WDR49: variants seen among roughly 807,000 people sequenced by gnomAD.
WDR49 encodes WD repeat domain 49, also known as cilia- and flagella-associated protein 337.
Under a neutral mutation model 119.5 loss-of-function variants are expected in WDR49, and 107 were observed. The observed-to-expected ratio is 0.90, with a 90% CI of 0.77 to 1.05. WDR49 has a LOEUF of 1.05. Among genes scored for constraint, WDR49 ranks in the 50% least tolerant of loss-of-function variants. The pLI is 0.00. For synonymous variants in WDR49, 425 were observed against 418.8 expected (o/e 1.01, Z -0.18); for missense variants, 1,240 against 1,220.5 (o/e 1.02, Z -0.24).
chr3:167,625,733 C>A (rs1717101594), intron 3 of WDR49, among the ~76,000 whole-genome samples: 1 of 152,038 alleles, frequency 6.6e-6, no homozygotes, highest in East Asian at 1.9e-4. Context: ...CTATTCTAAA[C>A]AAACTAACCA....
At chr3:167,564,665 A>G (rs773093471) in intron 8 of WDR49, among the ~76,000 whole-genome samples, 3 of 152,222 alleles carry the variant, frequency 2.0e-5, no homozygotes, top group Non-Finnish European at 4.4e-5. Flanking sequence ...TCCAGGACAC[A>G]TGGGCCTCCT....
At position 167,500,307 on chromosome 3, in the gene WDR49, A is replaced by T; in HGVS notation, c.2885-8T>A. ...TTAATGACCTAAATGTACCTTCACA[A>T]CAGCAGGTTTTAGAGGAAGACAGGG... On this transcript the variant is annotated splice_region_variant and splice_polypyrimidine_tract_variant and intron_variant, in intron 17 of 18. Transcript: ENST00000682715. 6.2e-7 allele frequency: 1 copy of T among 1,605,926 alleles called. No homozygotes were observed. Among genetic ancestry groups the T allele is most frequent in the Non-Finnish European group, 8.5e-7 (1 of 1,177,512 alleles).
chr3:167,564,574 A>G (rs984782708), intron 8 of WDR49, among the ~76,000 whole-genome samples: 1 of 152,212 alleles, frequency 6.6e-6, no homozygotes, highest in Admixed American at 6.5e-5. Flanking sequence ...ATTTCTGATT[A>G]TCTCTTATCA....
rs1332287751 is a variant in WDR49, at chr3:167,616,858, G to A, written c.958+3571C>T. The stretch of plus-strand genomic sequence containing the variant: ...AATCTTATAAAACATTGTATTATGT[G>A]TTATACTGGATACTAAGGTGAATGA... On this transcript the variant is annotated intron_variant, in intron 5 of 18. Transcript: ENST00000682715. 2.0e-5 allele frequency among the ~76,000 whole-genome samples: 3 copies of A among 152,246 alleles called. No homozygotes were observed. In the East Asian group the frequency reaches 5.8e-4, roughly 29 times the overall value.
At chr3:167,575,277 C>T (rs980866500) in intron 8 of WDR49, 207 of 985,854 alleles carry the variant, frequency 2.1e-4, no homozygotes, top group Middle Eastern at 5.2e-4. Context: ...CCGCCCTGTC[C>T]TCCAAGAAGG....
chr3:167,510,559 C>T (rs536600321), intron 16 of WDR49, among the ~76,000 whole-genome samples: 1 of 152,190 alleles, frequency 6.6e-6, no homozygotes, highest in African/African-American at 2.4e-5. Context: ...CTATTAATCT[C>T]TTAAATTCTA....
intron 16 of WDR49, among the ~76,000 whole-genome samples, chr3:167,517,009 A>G (rs1160412848): frequency 2.0e-5 from 3 of 152,204 alleles, no homozygotes; most frequent in South Asian, 2.1e-4. Flanking sequence ...AATCAAAACC[A>G]TAATGAGATA....
chr3:167,643,820 A>T (rs1323249172), intron 2 of WDR49, among the ~76,000 whole-genome samples: 2 of 152,074 alleles, frequency 1.3e-5, no homozygotes, highest in African/African-American at 4.8e-5. Flanking sequence ...AGGAAGAGAT[A>T]TTCATCTATT....
Position 167,531,236 on chromosome 3 carries a change from G to C in WDR49, c.2097C>G (p.Pro699=). 6.2e-7 allele frequency: 1 copy of C among 1,611,506 alleles called. No homozygotes were observed. Among genetic ancestry groups the C allele is most frequent in the Admixed American group, 1.7e-5 (1 of 59,942 alleles). The change falls in exon 13 of 19, where the codon CCC becomes CCG. Residue 699 remains proline, a synonymous_variant. Transcript: ENST00000682715. The part of the protein sequence containing the change: ...QKLLSAGRSQ[P]SHPMADHSTT... ...TAGAATGGTCTGCCATGGGGTGGGA[G>C]GGTTGGCTTCTCCCAGCACTGAGAA...
chr3:167,603,995 A>C (rs1326189656), intron 6 of WDR49, among the ~76,000 whole-genome samples: 9 of 152,122 alleles, frequency 5.9e-5, no homozygotes, highest in Non-Finnish European at 4.4e-5. Context: ...GGAAGATGGC[A>C]GAATGGCAGA....
At position 167,495,883 on chromosome 3, in the gene WDR49, G is replaced by GAAA; in HGVS notation, c.3031+4267_3031+4269dup. The stretch of plus-strand genomic sequence containing the variant: ...GGAAATAAGTTAACTTTAAAAATTT[G>GAAA]AAAAAAAAAAAAAAAAAAAAAAAGC... On this transcript the variant is annotated intron_variant, in intron 18 of 18. Transcript: ENST00000682715. Among the ~76,000 whole-genome samples, 312 of 71,148 alleles carry GAAA rather than the reference G, an allele frequency of 4.4e-3. 1 individual carries two copies. The highest frequency in any genetic ancestry group is 0.013 in the African/African-American group (279 of 21,222). The allele number at this position is 71,148 out of a possible 152,430, so 46.7% of individuals were successfully genotyped here.
chr3:167,500,239 G>A lies in WDR49; in HGVS notation c.2945C>T (p.Ala982Val). 1 of 1,606,186 alleles carries A rather than the reference G, an allele frequency of 6.2e-7. No individual in the cohort carries two copies. The highest frequency in any genetic ancestry group is 1.7e-4 in the Middle Eastern group (1 of 6,040). Residue 982 changes from alanine (A) to valine (V), a missense_variant, in exon 18 of 19, where the codon GCT (alanine) becomes GTT (valine). By Grantham distance (64) the Ala-to-Val change is moderately conservative. Transcript: ENST00000682715. The part of the protein sequence containing the change: ...LEELPEVNKP[A>V]FLLDPEKYFR... ...GTATTTCTCAGGGTCTAGAAGGAAA[G>A]CAGGTTTATTCACTTCAGGCAGCTC...
At chr3:167,522,597 A>T in intron 15 of WDR49, 113 bp from the exon 16 acceptor site, 1 of 1,065,236 alleles carries the variant, frequency 9.4e-7, no homozygotes, top group Non-Finnish European at 1.3e-6. Flanking sequence ...TGGGACACAC[A>T]AGAAGATGAA....
At chr3:167,618,788 G>A (rs936467499) in intron 5 of WDR49, among the ~76,000 whole-genome samples, 6 of 152,008 alleles carry the variant, frequency 3.9e-5, no homozygotes, top group African/African-American at 1.4e-4. Context: ...AGTAGAGGAG[G>A]GAATCAAAGA....
At chr3:167,590,696 C>T (rs1715066196) in intron 7 of WDR49, among the ~76,000 whole-genome samples, 1 of 151,958 alleles carries the variant, frequency 6.6e-6, no homozygotes, top group Non-Finnish European at 1.5e-5. Context: ...CATATAGTGG[C>T]TCATAGTAGC....
chr3:167,568,007 C>T (rs1490355901), intron 8 of WDR49, among the ~76,000 whole-genome samples: 1 of 152,188 alleles, frequency 6.6e-6, no homozygotes, highest in Non-Finnish European at 1.5e-5. Context: ...TGATCATAAA[C>T]CTGGCTGCAT....
At chr3:167,544,329 T>C (rs948802471) in intron 10 of WDR49, among the ~76,000 whole-genome samples, 3 of 152,022 alleles carry the variant, frequency 2.0e-5, no homozygotes, top group African/African-American at 7.2e-5. Context: ...AAATTCATAT[T>C]GAACCTAAAA....
chr3:167,530,247 C>A (rs1416384194), intron 13 of WDR49, among the ~76,000 whole-genome samples: 1 of 151,992 alleles, frequency 6.6e-6, no homozygotes, highest in East Asian at 1.9e-4. Flanking sequence ...ATATGGGAAA[C>A]AATAAACATA....
chr3:167,568,645 G>T (rs1019310258), intron 8 of WDR49, among the ~76,000 whole-genome samples: 1 of 152,042 alleles, frequency 6.6e-6, no homozygotes, highest in African/African-American at 2.4e-5. Context: ...ACTTTTTCTT[G>T]CAATGCCATG....
Sources: allele counts gnomAD v4.1 joint callset (sites outside exome capture counted in the v4.1 genomes callset), GRCh38; gene constraint gnomAD v4.1.1; transcripts MANE v1.5; gene names NCBI Gene and HGNC (gene_info 2026-07-23, HGNC 2026-07-21).